Variants in TRMT11 observed in about 807,000 individuals in gnomAD.
TRMT11 encodes tRNA (guanine(10)-N(2))-methyltransferase TRMT11.
Under a neutral mutation model 62.8 loss-of-function variants are expected in TRMT11, and 53 were observed. That is an observed-to-expected ratio of 0.84 (90% CI 0.68 to 1.06). The LOEUF (loss-of-function observed/expected upper bound fraction) is 1.06. Among genes scored for constraint, TRMT11 ranks in the 50% least tolerant of loss-of-function variants. The probability of loss-of-function intolerance (pLI) is 0.00; values close to 1 mark genes in which losing one functional copy is unlikely to be tolerated. For missense variants in TRMT11, 556 were observed against 553.4 expected, an observed-to-expected ratio of 1.00 and a Z score of -0.05; for synonymous variants, 188 against 190.3, an observed-to-expected ratio of 0.99 and a Z score of 0.10.
chr6:126,015,083 T>A (rs1170352387), intron 11 of TRMT11, among the ~76,000 whole-genome samples: 16 of 149,044 alleles, frequency 1.1e-4, no homozygotes, highest in Non-Finnish European at 1.5e-4. Context: ...AGGGCTAAAA[T>A]AAAAAAAAAA....
intron 17 of TRMT11, among the ~76,000 whole-genome samples, chr6:126,080,050 A>C (rs1222180213): frequency 6.6e-6 from 1 of 152,098 alleles, no homozygotes; most frequent in Admixed American, 6.6e-5. Context: ...GTATTTTTTT[A>C]TCTACATAAC....
At chr6:126,201,055 A>G (rs1389012240) in intron 3 of TRMT11, among the ~76,000 whole-genome samples, 2 of 152,190 alleles carry the variant, frequency 1.3e-5, no homozygotes, top group Non-Finnish European at 2.9e-5. Context: ...TTGAGTGACA[A>G]TCCAAAGCGT....
At chr6:126,079,338 A>G (rs1483866039) in intron 17 of TRMT11, among the ~76,000 whole-genome samples, 1 of 152,136 alleles carries the variant, frequency 6.6e-6, no homozygotes, top group Non-Finnish European at 1.5e-5. Context: ...GTGAGCTGGC[A>G]TGAGCACACT....
rs540889092 is a variant in TRMT11, at chr6:126,094,168, T to TCATTTTTGA, written c.*1438-18698_*1438-18697insCATTTTTGA. On this transcript the variant is annotated intron_variant and NMD_transcript_variant, in intron 17 of 22. Coordinates refer to the TRMT11 transcript ENST00000648977. ...GTTGGCTCTGACTCCTCTTTTTTGATGAAATGACTGGGGTGTATTCTCCTA... is the reference window on the plus strand; with the variant it reads ...GTTGGCTCTGACTCCTCTTTTTTGATCATTTTTGAGAAATGACTGGGGTGTATTCTCCTA... 1.4e-4 allele frequency among the ~76,000 whole-genome samples: 21 copies of TCATTTTTGA among 152,212 alleles called. No individual in the cohort carries two copies. The South Asian group carries it at 4.1e-3, about 30-fold the overall frequency.
chr6:126,104,516 T>C (rs1175336353), intron 17 of TRMT11, among the ~76,000 whole-genome samples: 1 of 152,176 alleles, frequency 6.6e-6, no homozygotes, highest in East Asian at 1.9e-4. Context: ...TAATGTAGGA[T>C]TGTGGCTCAG....
chr6:126,076,322 A>G (rs1003547173), intron 17 of TRMT11, among the ~76,000 whole-genome samples: 24 of 152,208 alleles, frequency 1.6e-4, no homozygotes, highest in Non-Finnish European at 3.5e-4. Context: ...GGGCGGGGCC[A>G]TATCTGCCTA....
chr6:126,238,806 TG>T, the TRMT11 span, among the ~76,000 whole-genome samples: 1 of 152,204 alleles, frequency 6.6e-6, no homozygotes, highest in African/African-American at 2.4e-5. Flanking sequence ...ATGTTGACAG[TG>T]GGGTGTTAAA....
At chr6:126,119,480 TAAAAAA>T (rs56778747) in intron 21 of TRMT11, among the ~76,000 whole-genome samples, 1 of 124,358 alleles carries the variant, frequency 8.0e-6, no homozygotes, top group Admixed American at 8.7e-5. Flanking sequence ...TCTTCTTTGA[TAAAAAA>T]AAAAAAAAAA....
At chr6:126,255,840 C>T in the TRMT11 span, among the ~76,000 whole-genome samples, 32 of 152,228 alleles carry the variant, frequency 2.1e-4, no homozygotes, top group Admixed American at 1.3e-3. Flanking sequence ...TAATATTACT[C>T]TATATAAAGG....
intron 16 of TRMT11, among the ~76,000 whole-genome samples, chr6:126,045,149 C>T (rs1053922107): frequency 2.6e-5 from 4 of 151,166 alleles, no homozygotes; most frequent in African/African-American, 9.8e-5. Flanking sequence ...GATTACACCA[C>T]TGCACTCCAG....
downstream of TRMT11, among the ~76,000 whole-genome samples, chr6:126,205,934 CACACAT>C (rs144432029): frequency 1.3e-4 from 20 of 149,414 alleles, no homozygotes; most frequent in East Asian, 3.9e-4. Context: ...CACACACACA[CACACAT>C]GCGCGCACAC....
At chr6:126,201,583 A>G (rs1389894377) in intron 3 of TRMT11, among the ~76,000 whole-genome samples, 1 of 152,184 alleles carries the variant, frequency 6.6e-6, no homozygotes, top group Non-Finnish European at 1.5e-5. Flanking sequence ...TGTGCAAATG[A>G]TATTTCACAG....
the TRMT11 span, among the ~76,000 whole-genome samples, chr6:126,244,768 A>T: frequency 2.0e-5 from 3 of 152,204 alleles, no homozygotes; most frequent in African/African-American, 7.2e-5. Flanking sequence ...AGTCAATAAC[A>T]GGTGACACGC....
intron 17 of TRMT11, among the ~76,000 whole-genome samples, chr6:126,066,058 C>T (rs1330866791): frequency 6.6e-6 from 1 of 152,208 alleles, no homozygotes; most frequent in Non-Finnish European, 1.5e-5. Flanking sequence ...CACTAGGGTT[C>T]AGACCCTTTC....
chr6:126,166,039 C>T (rs1398479809), intron 21 of TRMT11, among the ~76,000 whole-genome samples: 1 of 152,122 alleles, frequency 6.6e-6, no homozygotes, highest in Non-Finnish European at 1.5e-5. Flanking sequence ...AGTTCACCTT[C>T]AGTCTTTGAT....
chr6:126,036,262 T>A (rs1440392515), intron 12 of TRMT11, among the ~76,000 whole-genome samples: 2 of 152,134 alleles, frequency 1.3e-5, no homozygotes, highest in Middle Eastern at 3.2e-3. Context: ...AAGCCCCAGA[T>A]ATCAAGGGAA....
the TRMT11 span, among the ~76,000 whole-genome samples, chr6:126,221,962 T>C: frequency 6.6e-6 from 1 of 152,206 alleles, no homozygotes; most frequent in East Asian, 1.9e-4. Context: ...TTTAAGTCTT[T>C]AATTAATCTT....
the TRMT11 span, among the ~76,000 whole-genome samples, chr6:126,214,095 T>G: frequency 6.6e-6 from 1 of 151,346 alleles, no homozygotes; most frequent in Non-Finnish European, 1.5e-5. Flanking sequence ...AAATCCCACT[T>G]GATCATGATG....
chr6:126,019,220 G>T (rs768651624), intron 11 of TRMT11, among the ~76,000 whole-genome samples: 2 of 152,072 alleles, frequency 1.3e-5, no homozygotes, highest in African/African-American at 2.4e-5. Flanking sequence ...TTTTTAGTAT[G>T]GTGCTTTGGG....
Sources: allele counts gnomAD v4.1 joint callset (sites outside exome capture counted in the v4.1 genomes callset), GRCh38; gene constraint gnomAD v4.1.1; transcripts MANE v1.5; gene names NCBI Gene and HGNC (gene_info 2026-07-23, HGNC 2026-07-21).